Variants in ERC1 observed in about 807,000 individuals in gnomAD.
ERC1 encodes the protein ELKS/RAB6-interacting/CAST family member 1.
Under a neutral mutation model 132.0 loss-of-function variants are expected in ERC1, and 56 were observed. That is an observed-to-expected ratio of 0.42 (90% CI 0.34 to 0.53). ERC1 has a LOEUF of 0.53. ERC1 is among the 20% of genes least tolerant of loss of function. The pLI, the probability that ERC1 is intolerant of heterozygous loss-of-function variation, is 0.03. For missense variants in ERC1, 1,202 were observed against 1,349.9 expected, an observed-to-expected ratio of 0.89 and a Z score of 1.72; for synonymous variants, 478 against 476.1, an observed-to-expected ratio of 1.00 and a Z score of -0.05.
At chr12:1,115,727 G>A (rs922642422) in intron 6 of ERC1, 139 bp from the exon 7 acceptor site, 2 of 690,248 alleles carry the variant, frequency 2.9e-6, no homozygotes, top group Non-Finnish European at 4.6e-6. Context: ...GTTATGTCAT[G>A]CAAAAAGATG....
At chr12:1,221,945 T>C (rs939761391) in intron 12 of ERC1, among the ~76,000 whole-genome samples, 3 of 152,202 alleles carry the variant, frequency 2.0e-5, no homozygotes, top group African/African-American at 7.2e-5. Context: ...TGTACAAATA[T>C]CATAGCGTAT....
chr12:1,252,596 A>C (rs2076536813), intron 13 of ERC1, among the ~76,000 whole-genome samples: 1 of 152,202 alleles, frequency 6.6e-6, no homozygotes, highest in Non-Finnish European at 1.5e-5. Flanking sequence ...CTGTTTATTT[A>C]ATGAAATACA....
chr12:1,006,530 G>A (rs922909249), intron 1 of ERC1, among the ~76,000 whole-genome samples: 1 of 151,996 alleles, frequency 6.6e-6, no homozygotes, highest in African/African-American at 2.4e-5. Flanking sequence ...CTACAGGGGC[G>A]TGCCACCATG....
chr12:1,413,189 GA>G (rs2154396400), intron 17 of ERC1, among the ~76,000 whole-genome samples: 1 of 152,180 alleles, frequency 6.6e-6, no homozygotes, highest in Non-Finnish European at 1.5e-5. Context: ...TGAAATCTTT[GA>G]AAGAATTAGC....
Position 1,141,720 on chromosome 12 carries a change from G to C in ERC1, c.1670G>C (p.Gly557Ala). 1 of 1,613,428 alleles carries C rather than the reference G, an allele frequency of 6.2e-7. No individual in the cohort carries two copies. ...GCTGAAGAGAAGGGGACACAAGCTG[G>C]AGAGATACATGACCTCAAGGACATG... is the stretch of plus-strand genomic sequence containing the variant. ...DMAEEKGTQA[G>A]EIHDLKDMLD... Residue 557 changes from glycine to alanine, a missense_variant, in exon 8 of 19, where the codon GGA becomes GCA. Physicochemically the swap from Gly to Ala is moderately conservative, Grantham distance 60 (BLOSUM62 0). Transcript: ENST00000360905.
intron 12 of ERC1, among the ~76,000 whole-genome samples, chr12:1,195,877 C>G (rs950277423): frequency 5.0e-5 from 5 of 100,896 alleles, no homozygotes; most frequent in East Asian, 3.1e-4. Context: ...TTATTTCCGC[C>G]CCCCCCCCCC....
rs571961343 is a variant in ERC1, at chr12:1,006,954, A to G, written c.-157+15632A>G. 4.7e-5 allele frequency among the ~76,000 whole-genome samples: 7 copies of G among 150,018 alleles called. No homozygotes were observed. In the South Asian group the frequency reaches 1.5e-3, roughly 31 times the overall value. On this transcript the variant is annotated intron_variant, in intron 1 of 18. Coordinates refer to ENST00000360905, the MANE Select transcript of ERC1 (RefSeq NM_178040.4). ...TACAATATATATGTGTATATAGTAT[A>G]TATAATATAGTATATATATGGTGTA...
At chr12:1,376,641 C>T (rs969818949) in intron 16 of ERC1, among the ~76,000 whole-genome samples, 4 of 152,154 alleles carry the variant, frequency 2.6e-5, no homozygotes, top group Non-Finnish European at 5.9e-5. Flanking sequence ...GAAGACTAAG[C>T]GGTGGAGCTA....
At chr12:1,207,818 G>A (rs1385884039) in intron 12 of ERC1, among the ~76,000 whole-genome samples, 3 of 152,170 alleles carry the variant, frequency 2.0e-5, no homozygotes, top group South Asian at 2.1e-4. Context: ...AGGGAAGAAA[G>A]AATAATTTTA....
intron 17 of ERC1, chr12:1,410,340 T>C: frequency 2.3e-6 from 2 of 871,696 alleles, no homozygotes; most frequent in Non-Finnish European, 3.3e-6. Flanking sequence ...CTCTTTTTCA[T>C]TCCATGCTGC....
chr12:1,159,712 G>A (rs1382070398), intron 8 of ERC1, among the ~76,000 whole-genome samples: 1 of 151,998 alleles, frequency 6.6e-6, no homozygotes, highest in Non-Finnish European at 1.5e-5. Context: ...TGACTTTTAT[G>A]TGTCTAAACT....
chr12:1,153,935 G>A (rs1047491151), intron 8 of ERC1, among the ~76,000 whole-genome samples: 2 of 152,106 alleles, frequency 1.3e-5, no homozygotes, highest in Non-Finnish European at 2.9e-5. Context: ...GTTCCCAAGT[G>A]TACCTGAATA....
intron 8 of ERC1, among the ~76,000 whole-genome samples, chr12:1,161,709 C>T (rs1481589658): frequency 6.6e-6 from 1 of 152,016 alleles, no homozygotes; most frequent in Non-Finnish European, 1.5e-5. Flanking sequence ...TTTAGGTATC[C>T]CTGTAGAGAT....
rs553573045 is a variant in ERC1 at position 1,192,729 on chromosome 12, TAGA to T, written c.2351+2678_2351+2680del. Among the ~76,000 whole-genome samples, 7 of 152,322 alleles carry T rather than the reference TAGA, an allele frequency of 4.6e-5. No individual in the cohort carries two copies. The South Asian group carries it at 1.2e-3, about 27-fold the overall frequency. ...ATTAAGTAAGGTTACAGTCTTATAC[TAGA>T]GTGAATTGCTACTGCTGCTTTTGCT... is the stretch of plus-strand genomic sequence containing the variant. On this transcript the variant is annotated intron_variant, in intron 12 of 18. Coordinates refer to ENST00000360905, the MANE Select transcript of ERC1 (RefSeq NM_178040.4).
At chr12:1,189,794 T>A in intron 11 of ERC1, 65 bp from the exon 12 acceptor site, 1 of 1,240,752 alleles carries the variant, frequency 8.1e-7, no homozygotes, top group Non-Finnish European at 1.1e-6. Flanking sequence ...AATCATTGTT[T>A]GGGACATGGT....
intron 17 of ERC1, among the ~76,000 whole-genome samples, chr12:1,411,926 G>A (rs764059607): frequency 3.3e-5 from 5 of 152,186 alleles, no homozygotes; most frequent in Non-Finnish European, 7.3e-5. Context: ...ATATAAACTT[G>A]TTCCTGAAAT....
At chr12:1,275,169 G>A (rs756845465) in intron 14 of ERC1, among the ~76,000 whole-genome samples, 21 of 152,210 alleles carry the variant, frequency 1.4e-4, no homozygotes, top group African/African-American at 3.9e-4. Flanking sequence ...GCAGAAGAGC[G>A]GTAAGACTTA....
chr12:1,308,047 A>G (rs951353359), intron 15 of ERC1, among the ~76,000 whole-genome samples: 1 of 152,230 alleles, frequency 6.6e-6, no homozygotes, highest in Non-Finnish European at 1.5e-5. Context: ...GTCATTGTGC[A>G]TATAAGACAT....
At chr12:1,181,774 ACT>A in intron 9 of ERC1, 149 bp from the exon 10 acceptor site, 1 of 790,746 alleles carries the variant, frequency 1.3e-6, no homozygotes, top group South Asian at 2.3e-5. Flanking sequence ...CAAGAGCGAA[ACT>A]CTGTCTCAAA....
Sources: allele counts gnomAD v4.1 joint callset (sites outside exome capture counted in the v4.1 genomes callset), GRCh38; gene constraint gnomAD v4.1.1; transcripts MANE v1.5; gene names NCBI Gene and HGNC (gene_info 2026-07-23, HGNC 2026-07-21).